Variants in ASPA observed in about 807,000 individuals in gnomAD.
The protein encoded by ASPA is aspartoacylase.
In ASPA, 25 loss-of-function variants were observed where a neutral mutation model predicts 29.6. The observed-to-expected ratio is 0.85, with a 90% CI of 0.62 to 1.18. The LOEUF (loss-of-function observed/expected upper bound fraction) is 1.18, where lower values mean the gene tolerates loss of function less well. Ranked by LOEUF, ASPA falls within the 50% of genes most tolerant of loss-of-function variation. The probability of loss-of-function intolerance (pLI) is 0.00; values close to 1 mark genes in which losing one functional copy is unlikely to be tolerated. For missense variants in ASPA, 333 were observed against 385.7 expected (o/e 0.86, Z 1.14); for synonymous variants, 131 against 130.3 (o/e 1.01, Z -0.04).
At chr17:3,483,421 G>C in intron 2 of ASPA, 78 bp from the exon 3 acceptor site, 1 of 1,190,684 alleles carries the variant, frequency 8.4e-7, no homozygotes, top group Admixed American at 1.7e-5. Context: ...CGTATTGAAG[G>C]TATTATTGAC....
At chr17:3,495,944 G>C (rs2073901748) in intron 5 of ASPA, among the ~76,000 whole-genome samples, 1 of 152,170 alleles carries the variant, frequency 6.6e-6, no homozygotes, top group Admixed American at 6.5e-5. Context: ...AAAATATCAA[G>C]TACAAGAAAC....
At position 3,494,408 on chromosome 17, in the gene ASPA, C is replaced by A. The variant is rs12948217; in HGVS notation, c.693C>A (p.Tyr231Ter). The stretch of plus-strand genomic sequence containing the variant: ...ATAAAATTATAGAGAAAGTTGATTA[C>A]CCCCGGGATGAAAATGGAGAAATTG... ...EVYKIIEKVD[Y>*]PRDENGEIAA... The change falls in exon 5 of 6, where the codon TAC becomes TAA. Residue 231 changes from tyrosine (Y) to a stop codon, truncating the protein, a stop_gained. Coordinates refer to ENST00000263080, the MANE Select transcript of ASPA (RefSeq NM_000049.4). LOFTEE classifies it high-confidence loss of function. 67 of 1,612,170 alleles carry A rather than the reference C, an allele frequency of 4.2e-5. No individual in the cohort carries two copies. Among genetic ancestry groups the A allele is most frequent in the Non-Finnish European group, 1.9e-5 (22 of 1,178,486 alleles).
At chr17:3,480,810 G>A (rs2073613977) in intron 1 of ASPA, among the ~76,000 whole-genome samples, 1 of 152,208 alleles carries the variant, frequency 6.6e-6, no homozygotes, top group South Asian at 2.1e-4. Context: ...TTACACCCAG[G>A]CATGAACAAG....
At chr17:3,482,399 A>C (rs547187478) in intron 2 of ASPA, among the ~76,000 whole-genome samples, 6 of 152,180 alleles carry the variant, frequency 3.9e-5, no homozygotes, top group African/African-American at 1.4e-4. Flanking sequence ...TTTGCTAGAA[A>C]ATAGCAACCA....
chr17:3,489,891 T>C (rs1358615724), intron 4 of ASPA, among the ~76,000 whole-genome samples: 1 of 152,180 alleles, frequency 6.6e-6, no homozygotes, highest in African/African-American at 2.4e-5. Flanking sequence ...CAACATGTTG[T>C]TTACAAAGAT....
intron 4 of ASPA, among the ~76,000 whole-genome samples, chr17:3,489,588 A>C (rs1473405350): frequency 6.6e-6 from 1 of 152,230 alleles, no homozygotes; most frequent in Non-Finnish European, 1.5e-5. Context: ...GAAAATACAA[A>C]TGCCCAGTAA....
chr17:3,498,591 C>T (rs765017724), intron 5 of ASPA, among the ~76,000 whole-genome samples: 14 of 152,176 alleles, frequency 9.2e-5, no homozygotes, highest in Non-Finnish European at 1.8e-4. Flanking sequence ...AAGCGATCCA[C>T]CCACATTGGC....
chr17:3,476,524 G>A (rs2073526435), intron 1 of ASPA, 129 bp downstream of exon 1: 1 of 869,950 alleles, frequency 1.1e-6, no homozygotes, highest in Admixed American at 2.0e-5. Flanking sequence ...TGTTGAATAA[G>A]ATCACTTTCA....
At chr17:3,474,479 A>G (rs781415903), upstream of ASPA, among the ~76,000 whole-genome samples, 18 of 152,218 alleles carry the variant, frequency 1.2e-4, no homozygotes, top group Non-Finnish European at 7.3e-5. Flanking sequence ...AAGCAACTAA[A>G]CAACTGTCAT....
At chr17:3,486,146 C>G (rs2073717319) in intron 3 of ASPA, among the ~76,000 whole-genome samples, 1 of 152,132 alleles carries the variant, frequency 6.6e-6, no homozygotes, top group Non-Finnish European at 1.5e-5. Context: ...GTTGGCCAGG[C>G]TGGTTTCGAA....
In ASPA at chr17:3,488,758, T is replaced by C. The variant is rs947251986; in HGVS notation, c.527-477T>C. Among the ~76,000 whole-genome samples, 2 of 152,220 alleles carry C rather than the reference T, an allele frequency of 1.3e-5. No individual in the cohort carries two copies. The highest frequency in any genetic ancestry group is 6.5e-5 in the Admixed American group (1 of 15,278). ...CTCAAGGGTCACATAGATTGTCATA[T>C]TGACTGAAATCCATGATTCATCTAG... is the stretch of plus-strand genomic sequence containing the variant. On this transcript the variant is annotated intron_variant, in intron 3 of 5. Transcript: ENST00000263080. This position sits in a 1 kb window ranked among gnomAD's most constrained non-coding sequence, Gnocchi z 6.1.
intron 4 of ASPA, among the ~76,000 whole-genome samples, chr17:3,493,211 C>A (rs2073852628): frequency 6.6e-6 from 1 of 152,208 alleles, no homozygotes; most frequent in African/African-American, 2.4e-5. Context: ...CACTGGCAGG[C>A]TGCCTGCATC....
chr17:3,498,782 CTT>C, intron 5 of ASPA, 107 bp from the exon 6 acceptor site: 3 of 1,125,546 alleles, frequency 2.7e-6, no homozygotes, highest in Admixed American at 6.5e-5. Flanking sequence ...TCAAGTATCT[CTT>C]TTAAAACAAC....
At chr17:3,480,119 G>A (rs1380873018) in intron 1 of ASPA, among the ~76,000 whole-genome samples, 1 of 152,166 alleles carries the variant, frequency 6.6e-6, no homozygotes, top group Non-Finnish European at 1.5e-5. Flanking sequence ...ATTAGGCCAG[G>A]TGTGGCTGCT....
chr17:3,496,530 C>T (rs1276456474), intron 5 of ASPA, among the ~76,000 whole-genome samples: 1 of 152,130 alleles, frequency 6.6e-6, no homozygotes, highest in African/African-American at 2.4e-5. Flanking sequence ...ATCTGAGGAA[C>T]AGCAAGAAGA....
At chr17:3,493,723 C>T (rs562941424) in intron 4 of ASPA, among the ~76,000 whole-genome samples, 4 of 152,204 alleles carry the variant, frequency 2.6e-5, no homozygotes, top group East Asian at 1.9e-4. Flanking sequence ...GTCAAGAAAG[C>T]GAGCCTCAAG....
intron 3 of ASPA, 100 bp downstream of exon 3, chr17:3,483,692 T>A: frequency 6.0e-6 from 7 of 1,170,036 alleles, no homozygotes; most frequent in Non-Finnish European, 7.5e-6. Context: ...AGACAGAGTC[T>A]TGCTCTGTCA....
chr17:3,485,238 T>C lies in ASPA; in HGVS notation c.526+1646T>C, dbSNP rs1405761457. ...TCAGTATGATCAGGTCTCAAACTCC[T>C]GATTCAAGCGATCCTCCCACCTTGG... On this transcript the variant is annotated intron_variant, in intron 3 of 5. Transcript: ENST00000263080. This position sits in a 1 kb window ranked among gnomAD's most constrained non-coding sequence, Gnocchi z 4.4. 2.0e-5 allele frequency among the ~76,000 whole-genome samples: 3 copies of C among 152,128 alleles called. No individual in the cohort carries two copies. The highest frequency in any genetic ancestry group is 2.9e-5 in the Non-Finnish European group (2 of 68,016).
chr17:3,475,933 C>T, upstream of ASPA: 1 of 557,782 alleles, frequency 1.8e-6, no homozygotes, highest in Non-Finnish European at 3.2e-6. Context: ...TTGATCTTTG[C>T]ATATTTTAAT....
Sources: allele counts gnomAD v4.1 joint callset (sites outside exome capture counted in the v4.1 genomes callset), GRCh38; gene constraint gnomAD v4.1.1; non-coding constraint Gnocchi (gnomAD v3.1); transcripts MANE v1.5; gene names NCBI Gene and HGNC (gene_info 2026-07-23, HGNC 2026-07-21).